The following ZNF334 variants were observed in gnomAD, a reference collection of about 807,000 sequenced individuals.
The protein encoded by ZNF334 is zinc finger protein 334.
A neutral mutation model predicts 12.4 loss-of-function variants in ZNF334; 14 were observed. The ratio of observed to expected loss-of-function variants is 1.13; its 90% CI spans 0.74 to 1.76. ZNF334 has a LOEUF of 1.76. Ranked by LOEUF, ZNF334 falls within the 40% of genes most tolerant of loss-of-function variation. The probability of loss-of-function intolerance (pLI) is 0.00; values close to 1 mark genes in which losing one functional copy is unlikely to be tolerated. For synonymous variants in ZNF334, 273 were observed against 269.6 expected (o/e 1.01, Z -0.12); for missense variants, 797 against 804.5 (o/e 0.99, Z 0.11).
At chr20:46,504,581 C>T in intron 3 of ZNF334, 33 bp downstream of exon 3, 2 of 1,559,122 alleles carry the variant, frequency 1.3e-6, no homozygotes, top group African/African-American at 1.4e-5. Flanking sequence ...GAAATGTATG[C>T]TCTTGGGAGT....
the ZNF334 span, chr20:46,477,033 G>A: frequency 5.9e-5 from 9 of 152,326 alleles, no homozygotes; most frequent in South Asian, 2.1e-4. Flanking sequence ...CAGTGGATGC[G>A]TGATAGGAGA....
chr20:46,472,617 TG>T, the ZNF334 span, among the ~76,000 whole-genome samples: 2 of 152,162 alleles, frequency 1.3e-5, no homozygotes, highest in African/African-American at 4.8e-5. Flanking sequence ...GTTCAAGGAT[TG>T]GTAAGAAGGC....
At chr20:46,464,441 C>T in the ZNF334 span, 1 of 516,140 alleles carries the variant, frequency 1.9e-6, no homozygotes, top group Non-Finnish European at 3.9e-6. Flanking sequence ...GCCACGCTCA[C>T]TGGGGCTGGC....
the ZNF334 span, among the ~76,000 whole-genome samples, chr20:46,467,832 G>A: frequency 5.3e-5 from 8 of 152,100 alleles, no homozygotes; most frequent in Admixed American, 1.3e-4. Context: ...AGCGATCCAC[G>A]TTACATAATC....
At chr20:46,491,227 T>G in the ZNF334 span, 1 of 152,696 alleles carries the variant, frequency 6.5e-6, no homozygotes, top group Non-Finnish European at 1.5e-5. Flanking sequence ...CCTTTAGGTT[T>G]CTCTCATCCC....
At chr20:46,493,092 A>G in the ZNF334 span, among the ~76,000 whole-genome samples, 10 of 5,866 alleles carry the variant, frequency 1.7e-3, no homozygotes, top group East Asian at 0.19. Context: ...TGTCTTTAGA[A>G]AAAAAAAAAA....
the ZNF334 span, among the ~76,000 whole-genome samples, chr20:46,476,513 G>A: frequency 6.6e-6 from 1 of 152,272 alleles, no homozygotes; most frequent in East Asian, 1.9e-4. Context: ...GGCAAAACTG[G>A]GTAAAGGGTA....
At chr20:46,470,697 T>C in the ZNF334 span, among the ~76,000 whole-genome samples, 1,694 of 152,336 alleles carry the variant, frequency 0.011, 38 homozygotes, top group African/African-American at 0.039. Context: ...TATTTTAGCT[T>C]TGCCTGTTAC....
chr20:46,481,545 G>A, the ZNF334 span, among the ~76,000 whole-genome samples: 1 of 152,170 alleles, frequency 6.6e-6, no homozygotes, highest in Non-Finnish European at 1.5e-5. Context: ...GGAGTCCCTG[G>A]GGATAGTGAG....
At chr20:46,499,617 T>C (rs1429572482), downstream of ZNF334, 1 of 152,182 alleles carries the variant, frequency 6.6e-6, no homozygotes, top group Non-Finnish European at 1.5e-5. Flanking sequence ...TTTAGACAAA[T>C]TTGGCACAAA....
chr20:46,509,686 T>C, intron 2 of ZNF334: 2 of 702,940 alleles, frequency 2.8e-6, no homozygotes, highest in Non-Finnish European at 2.6e-6. Context: ...TTGCATCATC[T>C]GGCTCCACCA....
the ZNF334 span, among the ~76,000 whole-genome samples, chr20:46,467,478 A>G: frequency 1.2e-4 from 18 of 152,368 alleles, no homozygotes; most frequent in African/African-American, 4.3e-4. Flanking sequence ...GTCATTCAAC[A>G]CTAATATCCC....
chr20:46,477,160 G>A, the ZNF334 span: 1 of 152,184 alleles, frequency 6.6e-6, no homozygotes, highest in Non-Finnish European at 1.5e-5. Flanking sequence ...GTCTAGGAGA[G>A]AGAATAACAC....
At chr20:46,469,139 A>C in the ZNF334 span, among the ~76,000 whole-genome samples, 5 of 152,200 alleles carry the variant, frequency 3.3e-5, no homozygotes, top group East Asian at 9.6e-4. Flanking sequence ...TTAAAAACTG[A>C]CCATGTGAAA....
At chr20:46,483,101 T>C in the ZNF334 span, among the ~76,000 whole-genome samples, 13 of 152,326 alleles carry the variant, frequency 8.5e-5, no homozygotes, top group South Asian at 2.1e-4. Context: ...CTTGGTTACA[T>C]CCCTTAAAAA....
In ZNF334 at chr20:46,504,604, T is replaced by G. The variant is rs765636703; in HGVS notation, c.148+10A>C. ...TGCTCTTGGGAGTTGTACAGGGAAA[T>G]AGTCCTTACCCACAGAGACCAAGTT... On this transcript the variant is annotated intron_variant, in intron 3 of 4. Transcript: ENST00000692313. 1.3e-6 allele frequency: 2 copies of G among 1,586,118 alleles called. No individual in the cohort carries two copies. The highest frequency in any genetic ancestry group is 2.3e-5 in the South Asian group (2 of 85,626).
At chr20:46,504,179 C>T in intron 4 of ZNF334, 35 bp downstream of exon 4, 1 of 1,438,886 alleles carries the variant, frequency 6.9e-7, no homozygotes, top group Non-Finnish European at 9.6e-7. Context: ...CTCTCATTTC[C>T]ATTGGTTCCA....
chr20:46,501,388 T>C lies in ZNF334; in HGVS notation c.1951A>G (p.Thr651Ala). 1 of 1,613,594 alleles carries C rather than the reference T, an allele frequency of 6.2e-7. No individual in the cohort carries two copies. Among genetic ancestry groups the C allele is most frequent in the Non-Finnish European group, 8.5e-7 (1 of 1,179,766 alleles). The change falls in exon 5 of 5, where the codon ACA becomes GCA. Residue 651 changes from threonine (T) to alanine (A), a missense_variant. By Grantham distance (58) the Thr-to-Ala change is moderately conservative. Coordinates refer to ENST00000692313, the MANE Select transcript of ZNF334 (RefSeq NM_001353824.2). ...WTLTEHQKIHTGEKPYECNKC... is the reference protein window; with the variant it reads ...WTLTEHQKIHAGEKPYECNKC... Reference sequence around the variant, plus strand: ...TTACATTCATAAGGTTTCTCTCCTGTGTGTATTTTCTGATGTTCAGTGAGA... The same window carrying C: ...TTACATTCATAAGGTTTCTCTCCTGCGTGTATTTTCTGATGTTCAGTGAGA...
At chr20:46,472,740 G>A in the ZNF334 span, among the ~76,000 whole-genome samples, 1 of 152,268 alleles carries the variant, frequency 6.6e-6, no homozygotes, top group Non-Finnish European at 1.5e-5. Context: ...GTCATGTGGG[G>A]GCCACCAGAA....
Sources: gnomAD v4.1 joint callset for allele counts (sites outside exome capture counted in the v4.1 genomes callset) on GRCh38, gnomAD v4.1.1 for gene constraint, MANE v1.5 for transcripts, NCBI Gene and HGNC (gene_info 2026-07-23, HGNC 2026-07-21) for gene names.